The following SYNPO2 variants were observed in gnomAD, a reference collection of about 807,000 sequenced individuals.
SYNPO2 encodes synaptopodin-2.
In SYNPO2, 56 loss-of-function variants were observed where a neutral mutation model predicts 85.0. The observed-to-expected ratio is 0.66, with a 90% CI of 0.53 to 0.82. The LOEUF is 0.82. SYNPO2 is among the 40% of genes least tolerant of loss of function. The pLI, the probability that SYNPO2 is intolerant of heterozygous loss-of-function variation, is 0.00. For synonymous variants in SYNPO2, 602 were observed against 591.1 expected (o/e 1.02, Z -0.27); for missense variants, 1,575 against 1,534.2 (o/e 1.03, Z -0.44).
At chr4:118,905,612 T>A (rs1444285646) in intron 1 of SYNPO2, among the ~76,000 whole-genome samples, 1 of 152,208 alleles carries the variant, frequency 6.6e-6, no homozygotes, top group Non-Finnish European at 1.5e-5. Context: ...GTCCAGCACA[T>A]CTCTCATAGA....
chr4:119,026,901 G>A lies in SYNPO2; in HGVS notation c.532G>A (p.Val178Met), dbSNP rs778638880. ...AATGCCTGACTCCCAAAGAGGACGC[G>A]TGGCAGAAGAGCTGATCTTAAGGGA... Reference protein sequence around the residue: ...PQMPDSQRGRVAEELILREKV... With the variant: ...PQMPDSQRGRMAEELILREKV... Residue 178 changes from valine (V) to methionine (M), a missense_variant, in exon 3 of 5, where the codon GTG becomes ATG. Physicochemically the swap from Val to Met is conservative, Grantham distance 21 (BLOSUM62 1). Transcript: ENST00000307142. 6 of 1,614,042 alleles carry A rather than the reference G, an allele frequency of 3.7e-6. No individual in the cohort carries two copies. The highest frequency in any genetic ancestry group is 2.2e-5 in the South Asian group (2 of 91,090).
At chr4:118,880,726 G>A (rs1402164084) in intron 1 of SYNPO2, among the ~76,000 whole-genome samples, 3 of 143,298 alleles carry the variant, frequency 2.1e-5, no homozygotes, top group East Asian at 4.1e-4. Flanking sequence ...CAGCCTGGGC[G>A]ACAGAGCGAG....
upstream of SYNPO2, chr4:118,888,847 A>G (rs749259080): frequency 3.2e-6 from 2 of 628,758 alleles, no homozygotes; most frequent in South Asian, 1.9e-5. Flanking sequence ...GAATGAGCCC[A>G]TTAGCCGCAC....
chr4:118,879,096 C>G (rs547068163), intron 1 of SYNPO2, among the ~76,000 whole-genome samples: 1 of 152,284 alleles, frequency 6.6e-6, no homozygotes, highest in South Asian at 2.1e-4. Flanking sequence ...CCACTTCACT[C>G]CTGAAGTGAA....
chr4:118,990,856 C>T (rs1213541974), intron 1 of SYNPO2, among the ~76,000 whole-genome samples: 3 of 152,008 alleles, frequency 2.0e-5, no homozygotes, highest in Non-Finnish European at 4.4e-5. Flanking sequence ...GTTATCTGCC[C>T]GCCTCGGCCT....
chr4:118,889,227 C>G (rs1205357636), intron 1 of SYNPO2, 86 bp downstream of exon 1: 4 of 1,232,298 alleles, frequency 3.2e-6, no homozygotes, highest in Admixed American at 2.4e-5. Flanking sequence ...GGTTCTGATG[C>G]AGAAGTCTAA....
At chr4:118,876,634 T>C (rs1334430078) in intron 1 of SYNPO2, among the ~76,000 whole-genome samples, 3 of 150,826 alleles carry the variant, frequency 2.0e-5, no homozygotes, top group African/African-American at 7.4e-5. Context: ...CTCTTTTCTT[T>C]CTTCCTTCCT....
rs1263536083 is a variant in SYNPO2 at position 119,030,455 on chromosome 4, T to G, written c.1680T>G (p.Gly560=). The part of the protein sequence containing the change: ...VSKSYIEVSH[G]LGHVPQQNGF... Reference sequence around the variant, plus strand: ...AAAGCTACATCGAGGTGAGTCATGGTCTTGGCCATGTTCCCCAACAGAATG... The same window carrying G: ...AAAGCTACATCGAGGTGAGTCATGGGCTTGGCCATGTTCCCCAACAGAATG... The change falls in exon 4 of 5, where the codon GGT becomes GGG. Residue 560 remains glycine, a synonymous_variant. Transcript: ENST00000307142. 1 of 1,614,156 alleles carries G rather than the reference T, an allele frequency of 6.2e-7. No individual in the cohort carries two copies. Among genetic ancestry groups the G allele is most frequent in the Non-Finnish European group, 8.5e-7 (1 of 1,180,032 alleles).
rs1254203513 is a variant in SYNPO2 at position 119,057,930 on chromosome 4, C to T, written c.3782C>T (p.Thr1261Ile). The change falls in exon 5 of 5, where the codon ACA becomes ATA. Residue 1261 changes from threonine (T) to isoleucine (I), a missense_variant. This residue lies in a region of SYNPO2 where 1,508 missense variants were observed against 1,446.8 expected (regional missense o/e 1.04). Coordinates refer to ENST00000307142, the MANE Select transcript of SYNPO2 (RefSeq NM_133477.3). The part of the protein sequence containing the change: ...NPHPRGWRRQ[T>I] ...CACCCAAGGGGATGGAGACGCCAAA[C>T]ATGAAAGTTAGAAGAACGGATCATG... 1.2e-6 allele frequency: 2 copies of T among 1,608,456 alleles called. No homozygotes were observed. The highest frequency in any genetic ancestry group is 2.2e-5 in the South Asian group (2 of 90,206).
chr4:118,984,986 A>G (rs1383489642), intron 1 of SYNPO2, among the ~76,000 whole-genome samples: 1 of 152,190 alleles, frequency 6.6e-6, no homozygotes, highest in Non-Finnish European at 1.5e-5. Flanking sequence ...TACAAAGCTC[A>G]ATGGGTTCCC....
chr4:118,930,357 T>A (rs1230358587), intron 1 of SYNPO2, among the ~76,000 whole-genome samples: 1 of 152,212 alleles, frequency 6.6e-6, no homozygotes, highest in Non-Finnish European at 1.5e-5. Flanking sequence ...CTTTTTATCA[T>A]CTCCTTCATT....
At chr4:119,013,857 A>AT (rs756452958) in intron 1 of SYNPO2, among the ~76,000 whole-genome samples, 3 of 152,214 alleles carry the variant, frequency 2.0e-5, no homozygotes, top group Non-Finnish European at 4.4e-5. Flanking sequence ...GGACCAATAG[A>AT]TTTTTTAAAT....
chr4:118,961,979 GT>G (rs1422599870), intron 1 of SYNPO2, among the ~76,000 whole-genome samples: 1 of 152,094 alleles, frequency 6.6e-6, no homozygotes, highest in African/African-American at 2.4e-5. Flanking sequence ...AGCCCATCTT[GT>G]TGGTCAGAAA....
At chr4:119,015,128 G>T (rs1024909997) in intron 1 of SYNPO2, among the ~76,000 whole-genome samples, 9 of 152,190 alleles carry the variant, frequency 5.9e-5, no homozygotes, top group African/African-American at 2.2e-4. Context: ...GTTTGACAAA[G>T]TATAGAATTA....
Position 118,927,254 on chromosome 4 carries a change from A to G in SYNPO2, c.105+38113A>G, listed in dbSNP as rs553383757. ...AATTTCTGCCATGGATATTTTCTGCATTAAAAAAATCCATAATTTGACATT... is the reference window on the plus strand; with the variant it reads ...AATTTCTGCCATGGATATTTTCTGCGTTAAAAAAATCCATAATTTGACATT... On this transcript the variant is annotated intron_variant, in intron 1 of 4. Coordinates refer to ENST00000307142, the MANE Select transcript of SYNPO2 (RefSeq NM_133477.3). Among the ~76,000 whole-genome samples the G allele has an allele frequency of 7.0e-4, 107 of 152,308 alleles. 1 individual carries two copies. Among genetic ancestry groups the G allele is most frequent in the African/African-American group, 2.5e-3 (105 of 41,576 alleles).
At chr4:118,887,781 G>A (rs1018806026), upstream of SYNPO2, among the ~76,000 whole-genome samples, 6 of 152,112 alleles carry the variant, frequency 3.9e-5, no homozygotes, top group Non-Finnish European at 8.8e-5. Context: ...TATCTGTGAC[G>A]TTTTAAGTGA....
intron 1 of SYNPO2, among the ~76,000 whole-genome samples, chr4:118,991,598 A>G (rs1056233370): frequency 7.2e-5 from 11 of 152,224 alleles, no homozygotes; most frequent in Admixed American, 3.9e-4. Context: ...GAGACAGAGC[A>G]GGGGTGGGGG....
intron 1 of SYNPO2, among the ~76,000 whole-genome samples, chr4:118,860,936 C>CT (rs2110565436): frequency 6.6e-6 from 1 of 152,270 alleles, no homozygotes; most frequent in African/African-American, 2.4e-5. Context: ...TTATTAATCC[C>CT]TTGTCAGATG....
chr4:118,881,301 CAAAAAAA>C (rs765003546), intron 1 of SYNPO2, among the ~76,000 whole-genome samples: 15 of 114,022 alleles, frequency 1.3e-4, no homozygotes, highest in African/African-American at 5.4e-4. Context: ...AACTCCGTCT[CAAAAAAA>C]AAAAAAAAGA....
Sources: allele counts gnomAD v4.1 joint callset (sites outside exome capture counted in the v4.1 genomes callset), GRCh38; gene constraint gnomAD v4.1.1; regional missense constraint gnomAD v4.1.1; transcripts MANE v1.5; gene names NCBI Gene and HGNC (gene_info 2026-07-23, HGNC 2026-07-21).